DAB1: variants seen among roughly 807,000 people sequenced by gnomAD.
DAB1 encodes disabled homolog 1.
Under a neutral mutation model 64.6 loss-of-function variants are expected in DAB1, and 15 were observed. That is an observed-to-expected ratio of 0.23 (90% CI 0.16 to 0.36). DAB1 has a LOEUF of 0.36. Ranked by LOEUF, DAB1 falls within the 10% of genes least tolerant of loss-of-function variation. DAB1 has a pLI of 1.00. For missense variants in DAB1, 596 were observed against 706.7 expected, an observed-to-expected ratio of 0.84 and a Z score of 1.78; for synonymous variants, 235 against 251.9, an observed-to-expected ratio of 0.93 and a Z score of 0.64.
chr1:57,382,880 C>T (rs1479924233), intron 1 of DAB1, among the ~76,000 whole-genome samples: 1 of 151,956 alleles, frequency 6.6e-6, no homozygotes, highest in African/African-American at 2.4e-5. Context: ...TCTTTGGGGG[C>T]CAATTATTCT....
chr1:57,130,576 G>T (rs1049467524), intron 4 of DAB1, among the ~76,000 whole-genome samples: 2 of 152,032 alleles, frequency 1.3e-5, no homozygotes, highest in African/African-American at 2.4e-5. Context: ...ATACTATCAG[G>T]CCATAAAAAA....
intron 2 of DAB1, among the ~76,000 whole-genome samples, chr1:57,285,151 T>C (rs982745110): frequency 6.6e-6 from 1 of 152,226 alleles, no homozygotes; most frequent in Non-Finnish European, 1.5e-5. Flanking sequence ...AAGGAGGTGA[T>C]GGTGAACTGT....
intron 5 of DAB1, among the ~76,000 whole-genome samples, chr1:58,051,024 C>G (rs1389495491): frequency 6.6e-6 from 1 of 151,982 alleles, no homozygotes; most frequent in Non-Finnish European, 1.5e-5. Flanking sequence ...CGACTTGAGT[C>G]TGGGTAATTT....
intron 3 of DAB1, among the ~76,000 whole-genome samples, chr1:58,349,649 C>T (rs762762383): frequency 6.6e-6 from 1 of 151,966 alleles, no homozygotes; most frequent in Non-Finnish European, 1.5e-5. Flanking sequence ...TGATGTTCCC[C>T]TCCCTGTGTC....
chr1:58,463,231 C>T (rs1292683083), intron 3 of DAB1, among the ~76,000 whole-genome samples: 9 of 152,210 alleles, frequency 5.9e-5, no homozygotes, highest in Non-Finnish European at 1.5e-5. Context: ...GCCTTAGTGC[C>T]TTCCCCACTG....
At chr1:57,639,006 G>C (rs1484585199) in intron 7 of DAB1, among the ~76,000 whole-genome samples, 2 of 104,592 alleles carry the variant, frequency 1.9e-5, no homozygotes, top group Non-Finnish European at 1.9e-5. Context: ...ACTTTATAAA[G>C]TTCTTCATAA....
chr1:57,296,953 A>C (rs1192990295), intron 1 of DAB1, among the ~76,000 whole-genome samples: 1 of 152,222 alleles, frequency 6.6e-6, no homozygotes, highest in Non-Finnish European at 1.5e-5. Context: ...GTTCCAAGGG[A>C]AACTTTGTAA....
At chr1:57,953,362 T>C (rs1038584415) in intron 5 of DAB1, among the ~76,000 whole-genome samples, 1 of 152,192 alleles carries the variant, frequency 6.6e-6, no homozygotes, top group African/African-American at 2.4e-5. Flanking sequence ...TTTTGAGTTT[T>C]GTTTATTGCC....
intron 5 of DAB1, among the ~76,000 whole-genome samples, chr1:58,079,577 C>A (rs1349715384): frequency 8.2e-6 from 1 of 122,166 alleles, no homozygotes; most frequent in Non-Finnish European, 1.6e-5. Flanking sequence ...GGTTGGAGTG[C>A]AATGGCGCAA....
chr1:57,462,566 T>G (rs1251826226), intron 7 of DAB1, among the ~76,000 whole-genome samples: 1 of 152,222 alleles, frequency 6.6e-6, no homozygotes, highest in Non-Finnish European at 1.5e-5. Context: ...TAACAACTAC[T>G]GACAACTGCC....
chr1:57,148,318 A>G (rs1263710582), intron 2 of DAB1, among the ~76,000 whole-genome samples: 1 of 152,206 alleles, frequency 6.6e-6, no homozygotes, highest in Non-Finnish European at 1.5e-5. Context: ...GAAAGTAGGG[A>G]GCCCAATTTA....
chr1:57,241,591 G>T (rs1414979279), intron 2 of DAB1, among the ~76,000 whole-genome samples: 1 of 152,112 alleles, frequency 6.6e-6, no homozygotes, highest in Admixed American at 6.5e-5. Flanking sequence ...CAGTGCATTT[G>T]GTCAGCATAT....
At chr1:57,303,670 A>C (rs1673868759) in intron 1 of DAB1, among the ~76,000 whole-genome samples, 1 of 149,528 alleles carries the variant, frequency 6.7e-6, no homozygotes, top group African/African-American at 2.6e-5. Context: ...AAAACAAACA[A>C]ACAAAAAAAA....
intron 4 of DAB1, among the ~76,000 whole-genome samples, chr1:58,280,358 G>T (rs927867586): frequency 6.6e-6 from 1 of 152,190 alleles, no homozygotes; most frequent in South Asian, 2.1e-4. Flanking sequence ...CTAGCATGGG[G>T]ATCATCAGAA....
At chr1:58,066,669 G>A (rs1009224165) in intron 5 of DAB1, among the ~76,000 whole-genome samples, 1 of 152,080 alleles carries the variant, frequency 6.6e-6, no homozygotes, top group African/African-American at 2.4e-5. Flanking sequence ...TCAGGCATCT[G>A]GGCTCTCGGG....
At chr1:57,176,973 A>C (rs1262063824) in intron 2 of DAB1, among the ~76,000 whole-genome samples, 34,414 of 102,298 alleles carry the variant, frequency 0.34, 6,027 homozygotes, top group Non-Finnish European at 0.4. Context: ...CAGCAGATAT[A>C]AAAAAAAAAA....
chr1:57,221,418 C>T (rs1262965034), intron 2 of DAB1, among the ~76,000 whole-genome samples: 1 of 149,984 alleles, frequency 6.7e-6, no homozygotes, highest in African/African-American at 2.5e-5. Context: ...AAAAGGCTAA[C>T]ACGGTATGAC....
chr1:57,010,540 G>A (rs1013720368), intron 14 of DAB1, 140 bp downstream of exon 14: 12 of 465,148 alleles, frequency 2.6e-5, no homozygotes, highest in African/African-American at 4.0e-5. Context: ...GGGAAGGAGC[G>A]ATGGTGCAAA....
intron 2 of DAB1, among the ~76,000 whole-genome samples, chr1:57,271,656 A>G (rs560773508): frequency 6.6e-6 from 1 of 152,302 alleles, no homozygotes; most frequent in East Asian, 1.9e-4. Flanking sequence ...GAGCTACTGT[A>G]CTAGAGGTCA....
Sources: allele counts gnomAD v4.1 joint callset (sites outside exome capture counted in the v4.1 genomes callset), GRCh38; gene constraint gnomAD v4.1.1; transcripts MANE v1.5; gene names NCBI Gene and HGNC (gene_info 2026-07-23, HGNC 2026-07-21).